Variants in PIEZO2 observed in about 807,000 individuals in gnomAD.
PIEZO2 encodes the protein piezo type mechanosensitive ion channel component 2.
Under a neutral mutation model 337.3 loss-of-function variants are expected in PIEZO2, and 172 were observed. The ratio of observed to expected loss-of-function variants is 0.51; its 90% confidence interval spans 0.45 to 0.58. The LOEUF is 0.58. PIEZO2 is among the 20% of genes least tolerant of loss of function. PIEZO2 has a pLI of 0.00. For missense variants in PIEZO2, 3,028 were observed against 3,391.3 expected (o/e 0.89, Z 2.66); for synonymous variants, 1,251 against 1,228.5 (o/e 1.02, Z -0.38).
At position 10,723,523 on chromosome 18, in the gene PIEZO2, G is replaced by C. The variant is rs577851579; in HGVS notation, c.5030-5264C>G. Among the ~76,000 whole-genome samples the C allele has an allele frequency of 2.6e-5, 4 of 152,238 alleles. No homozygotes were observed. The East Asian group carries it at 7.7e-4, about 29-fold the overall frequency. On this transcript the variant is annotated intron_variant, in intron 36 of 55. Transcript: ENST00000674853. ...GAGGGTGGGTACTAGTGAGGGTTTT[G>C]TTTTGTTTTTTAAGATGGAGAAATA...
chr18:11,109,019 G>C lies in PIEZO2; in HGVS notation c.64+39506C>G, dbSNP rs2039655544. Among the ~76,000 whole-genome samples the C allele has an allele frequency of 2.0e-5, 3 of 152,184 alleles. No homozygotes were observed. The highest frequency in any genetic ancestry group is 4.4e-5 in the Non-Finnish European group (3 of 68,028). On this transcript the variant is annotated intron_variant, in intron 1 of 55. Transcript: ENST00000674853. This position sits in a 1 kb window ranked among gnomAD's most constrained non-coding sequence, Gnocchi z 5.1. ...CTGTCAGTACCACCAGCACCAAGGT[G>C]GGGGCGAACCCAGCCCACCAACAAC...
At chr18:10,926,301 C>T (rs2031735866) in intron 3 of PIEZO2, among the ~76,000 whole-genome samples, 2 of 152,198 alleles carry the variant, frequency 1.3e-5, no homozygotes, top group Admixed American at 6.5e-5. Flanking sequence ...CACAGCTTGG[C>T]ATCGCCCATG....
rs1264912842 is a variant in PIEZO2 at position 11,099,025 on chromosome 18, A to C, written c.65-32803T>G. On this transcript the variant is annotated intron_variant, in intron 1 of 55. Coordinates refer to ENST00000674853, the MANE Select transcript of PIEZO2 (RefSeq NM_001378183.1). The surrounding 1 kb of genome is among the most constrained non-coding windows in gnomAD (Gnocchi z 5.4). ...TCCCTGTGTTGCCTAGGCTGTCTCA[A>C]ACTCCTTGGCTCAAGAGATCCTCTT... Among the ~76,000 whole-genome samples, 2 of 151,610 alleles carry C rather than the reference A, an allele frequency of 1.3e-5. No individual in the cohort carries two copies. The highest frequency in any genetic ancestry group is 1.3e-4 in the Admixed American group (2 of 15,210).
At chr18:10,729,636 AAAAG>A (rs1370634203) in intron 36 of PIEZO2, among the ~76,000 whole-genome samples, 6,598 of 150,950 alleles carry the variant, frequency 0.044, 165 homozygotes, top group Middle Eastern at 0.14. Flanking sequence ...AAAAAAAAAA[AAAAG>A]AAAAGAAACA....
chr18:10,752,555 C>T (rs917415012), intron 28 of PIEZO2, 81 bp downstream of exon 28: 4 of 1,439,382 alleles, frequency 2.8e-6, no homozygotes, highest in Non-Finnish European at 3.7e-6. Context: ...ATGACAAGCA[C>T]TGGGCTTTTA....
chr18:10,939,542 A>G (rs987607302), intron 3 of PIEZO2, among the ~76,000 whole-genome samples: 1 of 152,244 alleles, frequency 6.6e-6, no homozygotes, highest in Non-Finnish European at 1.5e-5. Flanking sequence ...GATAGACTGG[A>G]TAAAGAAAAT....
At chr18:10,812,863 G>C (rs7227138) in intron 7 of PIEZO2, among the ~76,000 whole-genome samples, 66,260 of 151,998 alleles carry the variant, frequency 0.44, 15,069 homozygotes, top group East Asian at 0.78. Context: ...CATCTGCTCC[G>C]TCTCTGGTAA....
chr18:10,680,852 T>C (rs1001977751), intron 51 of PIEZO2, among the ~76,000 whole-genome samples: 3 of 152,234 alleles, frequency 2.0e-5, no homozygotes, highest in Admixed American at 2.0e-4. Flanking sequence ...CTATTCACTC[T>C]CTTAAATAAA....
chr18:10,940,890 T>C lies in PIEZO2; in HGVS notation c.287-29662A>G, dbSNP rs182965786. On this transcript the variant is annotated intron_variant, in intron 3 of 55. Coordinates refer to ENST00000674853, the MANE Select transcript of PIEZO2 (RefSeq NM_001378183.1). This position sits in a 1 kb window ranked among gnomAD's most constrained non-coding sequence, Gnocchi z 5.3. ...AAAAAAAAGAATTCAGTCTGAGATA[T>C]ATTTTCATGGTTACCCATTACTATA... Among the ~76,000 whole-genome samples the C allele has an allele frequency of 2.0e-4, 31 of 152,182 alleles. No homozygotes were observed. The highest frequency in any genetic ancestry group is 7.0e-4 in the African/African-American group (29 of 41,514).
At chr18:11,029,664 T>A (rs1411748367) in intron 2 of PIEZO2, among the ~76,000 whole-genome samples, 2 of 152,320 alleles carry the variant, frequency 1.3e-5, no homozygotes, top group East Asian at 1.9e-4. Flanking sequence ...TCTTTCTTCC[T>A]TCATTCCTCC....
rs915222963 is a variant in PIEZO2, at chr18:10,980,986, G to A, written c.161-1326C>T. Among the ~76,000 whole-genome samples the A allele has an allele frequency of 6.6e-6, 1 of 152,176 alleles. No homozygotes were observed. The highest frequency in any genetic ancestry group is 2.4e-5 in the African/African-American group (1 of 41,438). ...CGGAGGTGTGTGTGTAAGTGAGAGA[G>A]AAGAAACTGTCACTTGTGGAGAGTA... On this transcript the variant is annotated intron_variant, in intron 2 of 55. Transcript: ENST00000674853. The surrounding 1 kb of genome is among the most constrained non-coding windows in gnomAD (Gnocchi z 4.8).
chr18:10,927,392 G>A (rs1371205705), intron 3 of PIEZO2, among the ~76,000 whole-genome samples: 1 of 152,192 alleles, frequency 6.6e-6, no homozygotes, highest in East Asian at 1.9e-4. Context: ...AAAGGAGACA[G>A]GTTGCAGCGC....
intron 45 of PIEZO2, among the ~76,000 whole-genome samples, chr18:10,696,860 A>G (rs2035114464): frequency 6.6e-6 from 1 of 152,158 alleles, no homozygotes; most frequent in Admixed American, 6.5e-5. Context: ...TCAATTGCTC[A>G]CCACCGGCGA....
chr18:10,878,530 T>A lies in PIEZO2; in HGVS notation c.330-7115A>T, dbSNP rs1568157274. ...TTGGAAGCTATAACTCATTAAAACA[T>A]ATGTTCATAGTTATTAAATAAATGT... On this transcript the variant is annotated intron_variant, in intron 4 of 55. Transcript: ENST00000674853. This position sits in a 1 kb window ranked among gnomAD's most constrained non-coding sequence, Gnocchi z 4.3. Among the ~76,000 whole-genome samples, 2 of 152,230 alleles carry A rather than the reference T, an allele frequency of 1.3e-5. No homozygotes were observed. Among genetic ancestry groups the A allele is most frequent in the Non-Finnish European group, 2.9e-5 (2 of 68,042 alleles).
At chr18:10,798,246 G>T (rs2039680571) in intron 11 of PIEZO2, among the ~76,000 whole-genome samples, 1 of 152,364 alleles carries the variant, frequency 6.6e-6, no homozygotes, top group South Asian at 2.1e-4. Flanking sequence ...ACTAAGTGCT[G>T]TTCTAAGCCA....
rs1198333828 is a variant in PIEZO2, at chr18:10,715,767, T to C, written c.5139A>G (p.Leu1713=). The C allele has an allele frequency of 1.3e-6, 2 of 1,534,718 alleles. No homozygotes were observed. The highest frequency in any genetic ancestry group is 1.7e-6 in the Non-Finnish European group (2 of 1,144,954). Residue 1713 remains leucine (L), a synonymous_variant, in exon 38 of 56, where the codon CTA becomes CTG. Transcript: ENST00000674853. ...TGAAACTGTCCACTGTTGCCAGAAA[T>C]AGGACCCAGGTAAATTTCAAAATAT... is the stretch of plus-strand genomic sequence containing the variant. The part of the protein sequence containing the change: ...IFNILKFTWV[L]FLATVDSFTT...
rs1010004285 is a variant in PIEZO2 at position 10,795,584 on chromosome 18, T to C, written c.1528-582A>G. On this transcript the variant is annotated intron_variant, in intron 12 of 55. Coordinates refer to ENST00000674853, the MANE Select transcript of PIEZO2 (RefSeq NM_001378183.1). The surrounding 1 kb of genome is among the most constrained non-coding windows in gnomAD (Gnocchi z 4.4). ...CACAGAACTAATTTTATTTGAAGAA[T>C]AGAGCTGGCAATCCCCAAATTAGCC... Among the ~76,000 whole-genome samples the C allele has an allele frequency of 1.3e-5, 2 of 152,066 alleles. No homozygotes were observed. The highest frequency in any genetic ancestry group is 2.1e-4 in the South Asian group (1 of 4,828).
chr18:10,848,190 A>G (rs2041423196), intron 7 of PIEZO2, among the ~76,000 whole-genome samples: 1 of 152,236 alleles, frequency 6.6e-6, no homozygotes, highest in East Asian at 1.9e-4. Flanking sequence ...AGCTGACTGC[A>G]TTCTTTCATT....
At chr18:10,994,377 G>C (rs1288669968) in intron 2 of PIEZO2, among the ~76,000 whole-genome samples, 6 of 150,580 alleles carry the variant, frequency 4.0e-5, no homozygotes, top group Non-Finnish European at 5.9e-5. Flanking sequence ...TGGATCAAAT[G>C]GTAGTTCTAC....
Sources: gnomAD v4.1 joint callset for allele counts (sites outside exome capture counted in the v4.1 genomes callset) on GRCh38, gnomAD v4.1.1 for gene constraint, Gnocchi (gnomAD v3.1) non-coding constraint, MANE v1.5 for transcripts, NCBI Gene and HGNC (gene_info 2026-07-23, HGNC 2026-07-21) for gene names.